Variants in ZNF676 observed in about 807,000 individuals in gnomAD.
The protein encoded by ZNF676 is zinc finger protein 676.
In ZNF676, 4 loss-of-function variants were observed where a neutral mutation model predicts 6.0. The ratio of observed to expected loss-of-function variants is 0.67; its 90% CI spans 0.33 to 1.53. The LOEUF is 1.53. ZNF676 is among the 40% of genes most tolerant of loss of function. The probability of loss-of-function intolerance (pLI) is 0.06; values close to 1 mark genes in which losing one functional copy is unlikely to be tolerated. For missense variants in ZNF676, 644 were observed against 679.7 expected, an observed-to-expected ratio of 0.95 and a Z score of 0.58; for synonymous variants, 198 against 223.1, an observed-to-expected ratio of 0.89 and a Z score of 1.00.
At chr19:22,202,958 C>T (rs1041359752) in intron 1 of ZNF676, among the ~76,000 whole-genome samples, 18 of 152,206 alleles carry the variant, frequency 1.2e-4, no homozygotes, top group Non-Finnish European at 2.9e-5. Context: ...TAGCTCTCTA[C>T]TCTCTGAGCA....
chr19:22,179,488 G>C lies in ZNF676; in HGVS notation c.*462C>G. The stretch of plus-strand genomic sequence containing the variant: ...TATGAATTACATGAATGTTTAGTAA[G>C]GATTGAGGAACAGCTAAAAGGCTTG... On this transcript the variant is annotated 3_prime_UTR_variant, in exon 3 of 3. Coordinates refer to ENST00000397121, the MANE Select transcript of ZNF676 (RefSeq NM_001001411.3). The C allele has an allele frequency of 2.5e-6, 1 of 403,134 alleles. No individual in the cohort carries two copies. The highest frequency in any genetic ancestry group is 2.2e-5 in the South Asian group (1 of 45,962). 25.0% of individuals were successfully genotyped at this position (403,134 alleles called of 1,614,324 possible).
At chr19:22,222,505 A>AT in the ZNF676 span, among the ~76,000 whole-genome samples, 1 of 152,076 alleles carries the variant, frequency 6.6e-6, no homozygotes, top group South Asian at 2.1e-4. Context: ...GCTTTAAACA[A>AT]TTTTTTTGCC....
chr19:22,179,388 T>C lies in ZNF676; in HGVS notation c.*562A>G, dbSNP rs1332181598. 1.2e-4 allele frequency: 33 copies of C among 282,166 alleles called. No homozygotes were observed. The highest frequency in any genetic ancestry group is 2.8e-5 in the Non-Finnish European group (4 of 143,022). The allele number at this position is 282,166 out of a possible 1,614,324, so 17.5% of individuals were successfully genotyped here. A position where few individuals can be genotyped will look rare whatever the true frequency, so the allele number is the denominator to read the frequency against. ...CATGGTTTCTCTCCAGTATGAGTTG[T>C]CTTATATGTAGTAAGCCTTAAGGAC... On this transcript the variant is annotated 3_prime_UTR_variant, in exon 3 of 3. Coordinates refer to ENST00000397121, the MANE Select transcript of ZNF676 (RefSeq NM_001001411.3).
intron 1 of ZNF676, among the ~76,000 whole-genome samples, chr19:22,202,186 G>A (rs1356243171): frequency 7.9e-5 from 12 of 152,222 alleles, no homozygotes; most frequent in East Asian, 7.7e-4. Flanking sequence ...GGATTCTCAC[G>A]TCTACAGGTC....
chr19:22,203,809 G>T (rs2024049951), intron 1 of ZNF676: 1 of 152,222 alleles, frequency 6.6e-6, no homozygotes, highest in African/African-American at 2.4e-5. Context: ...GTCCAGGCTG[G>T]TCTCAAACTC....
At chr19:22,257,159 T>G in the ZNF676 span, among the ~76,000 whole-genome samples, 2 of 152,134 alleles carry the variant, frequency 1.3e-5, no homozygotes, top group Non-Finnish European at 2.9e-5. Flanking sequence ...TCACATCACC[T>G]AGTTTCTGGG....
At chr19:22,219,431 C>T (rs1211906186), upstream of ZNF676, among the ~76,000 whole-genome samples, 1 of 151,964 alleles carries the variant, frequency 6.6e-6, no homozygotes, top group African/African-American at 2.4e-5. Flanking sequence ...TTTAGGGTTT[C>T]CCAGGTACAC....
chr19:22,224,091 C>T, the ZNF676 span, among the ~76,000 whole-genome samples: 15 of 150,048 alleles, frequency 1.0e-4, no homozygotes, highest in Admixed American at 2.7e-4. Flanking sequence ...CAGTGCATGC[C>T]GATGACTCAA....
chr19:22,246,635 T>C, the ZNF676 span, among the ~76,000 whole-genome samples: 8 of 152,296 alleles, frequency 5.3e-5, no homozygotes, highest in Admixed American at 5.2e-4. Flanking sequence ...CCAAGTAATA[T>C]GTCACAATCT....
upstream of ZNF676, among the ~76,000 whole-genome samples, chr19:22,197,740 T>A (rs762759873): frequency 6.6e-6 from 1 of 152,126 alleles, no homozygotes; most frequent in Non-Finnish European, 1.5e-5. Context: ...TATTTAATGA[T>A]GAAGAGGAAA....
chr19:22,239,197 A>ATTTTTT, the ZNF676 span, among the ~76,000 whole-genome samples: 1 of 130,098 alleles, frequency 7.7e-6, no homozygotes, highest in African/African-American at 3.1e-5. Flanking sequence ...CCAACTGTGA[A>ATTTTTT]TTTTTTTTTT....
chr19:22,208,592 T>G (rs1359070362), intron 1 of ZNF676, among the ~76,000 whole-genome samples: 1 of 152,206 alleles, frequency 6.6e-6, no homozygotes, highest in Non-Finnish European at 1.5e-5. Flanking sequence ...TGCAGTACTA[T>G]TCACAATAGC....
the ZNF676 span, among the ~76,000 whole-genome samples, chr19:22,233,186 C>T: frequency 6.6e-6 from 1 of 152,058 alleles, no homozygotes; most frequent in African/African-American, 2.4e-5. Flanking sequence ...AGCATTGTTA[C>T]AAATTTTTAG....
At chr19:22,237,776 T>C in the ZNF676 span, among the ~76,000 whole-genome samples, 1 of 152,164 alleles carries the variant, frequency 6.6e-6, no homozygotes, top group African/African-American at 2.4e-5. Flanking sequence ...GTTTACAAAC[T>C]CAGAGCCCCT....
chr19:22,195,190 T>C (rs2023954109), intron 1 of ZNF676, among the ~76,000 whole-genome samples: 1 of 152,316 alleles, frequency 6.6e-6, no homozygotes, highest in East Asian at 1.9e-4. Flanking sequence ...GGAGCACAAC[T>C]ACATGAGAAA....
chr19:22,254,398 G>A, the ZNF676 span, among the ~76,000 whole-genome samples: 3 of 152,152 alleles, frequency 2.0e-5, no homozygotes, highest in African/African-American at 4.8e-5. Context: ...GATGGAGGAA[G>A]AGACATCTTA....
the ZNF676 span, among the ~76,000 whole-genome samples, chr19:22,229,733 C>G: frequency 1.3e-5 from 2 of 152,024 alleles, no homozygotes; most frequent in Non-Finnish European, 2.9e-5. Flanking sequence ...ATGCAGCCAA[C>G]AAACATATGA....
chr19:22,179,471 A>C lies in ZNF676; in HGVS notation c.*479T>G. ...ATAGGAATTCCCTCCAGTATGAATT[A>C]CATGAATGTTTAGTAAGGATTGAGG... On this transcript the variant is annotated 3_prime_UTR_variant, in exon 3 of 3. Transcript: ENST00000397121. 1 of 380,416 alleles carries C rather than the reference A, an allele frequency of 2.6e-6. No individual in the cohort carries two copies. Among genetic ancestry groups the C allele is most frequent in the African/African-American group, 2.1e-5 (1 of 47,620 alleles). 23.6% of individuals were successfully genotyped at this position (380,416 alleles called of 1,614,324 possible). A position where few individuals can be genotyped will look rare whatever the true frequency, so the allele number is the denominator to read the frequency against.
At chr19:22,221,203 G>A in the ZNF676 span, among the ~76,000 whole-genome samples, 2 of 151,910 alleles carry the variant, frequency 1.3e-5, no homozygotes, top group Non-Finnish European at 2.9e-5. Flanking sequence ...TTTGATGTAT[G>A]TATTTAATGC....
Sources: gnomAD v4.1 joint callset for allele counts (sites outside exome capture counted in the v4.1 genomes callset) on GRCh38, gnomAD v4.1.1 for gene constraint, MANE v1.5 for transcripts, NCBI Gene and HGNC (gene_info 2026-07-23, HGNC 2026-07-21) for gene names.